The following KDM2A variants were observed in gnomAD, a reference collection of about 807,000 sequenced individuals.
KDM2A encodes the protein lysine demethylase 2A.
A neutral mutation model predicts 137.3 loss-of-function variants in KDM2A; 3 were observed. That is an observed-to-expected ratio of 0.02 (90% CI 0.01 to 0.06). The LOEUF is 0.06. Among genes scored for constraint, KDM2A ranks in the 10% least tolerant of loss-of-function variants. KDM2A has a pLI of 1.00. For missense variants in KDM2A, 738 were observed against 1,510.6 expected (o/e 0.49, Z 8.48); for synonymous variants, 512 against 541.5 (o/e 0.95, Z 0.76).
intron 5 of KDM2A, among the ~76,000 whole-genome samples, chr11:67,191,075 G>A (rs1487142726): frequency 2.0e-5 from 3 of 152,068 alleles, no homozygotes; most frequent in African/African-American, 2.4e-5. Context: ...GATGAGTCTC[G>A]TTGCTGTCGC....
rs761076123 is a variant in KDM2A at position 67,250,646 on chromosome 11, G to A, written c.2616G>A (p.Glu872=). 7 of 1,609,166 alleles carry A rather than the reference G, an allele frequency of 4.4e-6. No individual in the cohort carries two copies. The highest frequency in any genetic ancestry group is 2.2e-5 in the South Asian group (2 of 90,608). ...EEEEEDDSAE[E]GGAARLNGRG... is the part of the protein sequence containing the mutation. ...AGGAGGAAGATGACAGTGCAGAGGA[G>A]GGGGGTGCAGCCAGGCTGAATGGCC... The change falls in exon 17 of 21, where the codon GAG becomes GAA. Residue 872 remains glutamate, a synonymous_variant. Transcript: ENST00000529006. This position sits in a 1 kb window ranked among gnomAD's most constrained non-coding sequence, Gnocchi z 7.1.
At chr11:67,129,431 A>C (rs1279619845) in intron 2 of KDM2A, among the ~76,000 whole-genome samples, 1 of 152,164 alleles carries the variant, frequency 6.6e-6, no homozygotes, top group African/African-American at 2.4e-5. Flanking sequence ...TCTACTAAAA[A>C]TACAAAAATT....
chr11:67,206,308 A>G (rs1240006865), intron 5 of KDM2A, among the ~76,000 whole-genome samples: 1 of 152,202 alleles, frequency 6.6e-6, no homozygotes, highest in Non-Finnish European at 1.5e-5. Flanking sequence ...GCACACGGCC[A>G]TATTCCCAGC....
intron 2 of KDM2A, among the ~76,000 whole-genome samples, chr11:67,122,788 G>A (rs944013525): frequency 1.3e-5 from 2 of 151,728 alleles, no homozygotes; most frequent in African/African-American, 4.8e-5. Flanking sequence ...CCATTCTCCT[G>A]CCTCAGCCTC....
intron 5 of KDM2A, among the ~76,000 whole-genome samples, chr11:67,204,656 TAA>T (rs958076725): frequency 6.6e-6 from 1 of 152,026 alleles, no homozygotes; most frequent in Non-Finnish European, 1.5e-5. Flanking sequence ...CACACCTGGC[TAA>T]TTTTTTGTAT....
At chr11:67,188,494 AAAG>A (rs1253805504) in intron 5 of KDM2A, among the ~76,000 whole-genome samples, 6 of 150,642 alleles carry the variant, frequency 4.0e-5, no homozygotes, top group Non-Finnish European at 8.9e-5. Flanking sequence ...AAAAAAAAAA[AAAG>A]AAAGAAAAAA....
chr11:67,193,599 G>C (rs984786351), intron 5 of KDM2A, among the ~76,000 whole-genome samples: 27 of 152,078 alleles, frequency 1.8e-4, no homozygotes, highest in Non-Finnish European at 3.4e-4. Flanking sequence ...GGTGGCTCAC[G>C]CCTGTAATCC....
chr11:67,201,186 T>A (rs910584439), intron 5 of KDM2A, among the ~76,000 whole-genome samples: 1 of 138,348 alleles, frequency 7.2e-6, no homozygotes, highest in Non-Finnish European at 1.5e-5. Context: ...TGAGCAAGAC[T>A]CTGTCTCAAA....
chr11:67,170,653 T>TC (rs1434382467), intron 2 of KDM2A, among the ~76,000 whole-genome samples: 1 of 152,006 alleles, frequency 6.6e-6, no homozygotes, highest in Non-Finnish European at 1.5e-5. Context: ...CACCCAGTGA[T>TC]CCGCCCGCCT....
chr11:67,202,616 CA>C (rs60849469), intron 5 of KDM2A, among the ~76,000 whole-genome samples: 4 of 146,272 alleles, frequency 2.7e-5, no homozygotes, highest in Non-Finnish European at 3.0e-5. Context: ...ACTAAAAATA[CA>C]AAAAAAAAAC....
At chr11:67,136,288 A>G (rs892526596) in intron 2 of KDM2A, among the ~76,000 whole-genome samples, 1 of 152,180 alleles carries the variant, frequency 6.6e-6, no homozygotes, top group Non-Finnish European at 1.5e-5. Context: ...CAGATTATCC[A>G]GTTAAGGGAC....
At chr11:67,128,545 A>G (rs905684803) in intron 2 of KDM2A, among the ~76,000 whole-genome samples, 4 of 152,138 alleles carry the variant, frequency 2.6e-5, no homozygotes, top group Non-Finnish European at 5.9e-5. Context: ...CCTCCTAATA[A>G]TGTAGGAAAA....
chr11:67,196,461 A>G (rs1857485493), intron 5 of KDM2A: 1 of 456,118 alleles, frequency 2.2e-6, no homozygotes, highest in Non-Finnish European at 4.4e-6. Flanking sequence ...CATAGTAGCT[A>G]AAATGTAGCA....
chr11:67,226,907 A>G (rs1248707057), intron 10 of KDM2A, among the ~76,000 whole-genome samples: 1 of 152,090 alleles, frequency 6.6e-6, no homozygotes, highest in Non-Finnish European at 1.5e-5. Context: ...TGGGAGGATG[A>G]TAGCCTGGGT....
intron 5 of KDM2A, among the ~76,000 whole-genome samples, chr11:67,197,953 A>G (rs958807432): frequency 3.9e-5 from 6 of 152,190 alleles, no homozygotes; most frequent in African/African-American, 1.4e-4. Flanking sequence ...AACATATTTT[A>G]TGTTATACAT....
At position 67,201,772 on chromosome 11, in the gene KDM2A, C is replaced by CAAAAAAAAAAAAAAAA. The variant is rs71056184; in HGVS notation, c.308-5720_308-5705dup. On this transcript the variant is annotated intron_variant, in intron 5 of 20. Coordinates refer to ENST00000529006, the MANE Select transcript of KDM2A (RefSeq NM_012308.3). ...TAGGCAACAGAGCTAGACTCCATCT[C>CAAAAAAAAAAAAAAAA]AAAAAAAAAAAAAAAAAAAAAAAAA... 5.8e-4 allele frequency among the ~76,000 whole-genome samples: 22 copies of CAAAAAAAAAAAAAAAA among 37,816 alleles called. 1 individual carries two copies. Among genetic ancestry groups the CAAAAAAAAAAAAAAAA allele is most frequent in the African/African-American group, 2.0e-3 (17 of 8,494 alleles). 24.8% of individuals were successfully genotyped at this position (37,816 alleles called of 152,430 possible).
chr11:67,162,626 G>C (rs934453810), intron 2 of KDM2A, among the ~76,000 whole-genome samples: 5 of 152,008 alleles, frequency 3.3e-5, no homozygotes, highest in African/African-American at 9.7e-5. Context: ...GACTGGTCTC[G>C]AACTCCTGAC....
chr11:67,223,714 C>T (rs1858443531), intron 10 of KDM2A, among the ~76,000 whole-genome samples: 1 of 151,998 alleles, frequency 6.6e-6, no homozygotes, highest in South Asian at 2.1e-4. Context: ...CCAGACTCTT[C>T]TTTTTTTTAA....
intron 5 of KDM2A, among the ~76,000 whole-genome samples, chr11:67,202,652 T>C (rs1450779413): frequency 6.7e-6 from 1 of 149,418 alleles, no homozygotes; most frequent in Non-Finnish European, 1.5e-5. Flanking sequence ...GGCAGGCACC[T>C]GTAGTCCCAG....
Sources: gnomAD v4.1 joint callset for allele counts (sites outside exome capture counted in the v4.1 genomes callset) on GRCh38, gnomAD v4.1.1 for gene constraint, Gnocchi (gnomAD v3.1) non-coding constraint, MANE v1.5 for transcripts, NCBI Gene and HGNC (gene_info 2026-07-23, HGNC 2026-07-21) for gene names.